IGFL2: variants seen among roughly 807,000 people sequenced by gnomAD.
The protein encoded by IGFL2 is insulin growth factor-like family member 2.
In IGFL2, 7 loss-of-function variants were observed where a neutral mutation model predicts 13.9. That is an observed-to-expected ratio of 0.51 (90% CI 0.29 to 0.95). The LOEUF (loss-of-function observed/expected upper bound fraction) is 0.95. IGFL2 is among the 40% of genes least tolerant of loss of function. The pLI, the probability that IGFL2 is intolerant of heterozygous loss-of-function variation, is 0.08. For synonymous variants in IGFL2, 55 were observed against 55.8 expected, an observed-to-expected ratio of 0.99 and a Z score of 0.07; for missense variants, 138 against 147.8, an observed-to-expected ratio of 0.93 and a Z score of 0.34.
the IGFL2 span, among the ~76,000 whole-genome samples, chr19:46,083,687 CAG>C: frequency 6.6e-6 from 1 of 152,020 alleles, no homozygotes; most frequent in Non-Finnish European, 1.5e-5. Context: ...GAGACAGTGA[CAG>C]AGAGGACAGA....
the IGFL2 span, among the ~76,000 whole-genome samples, chr19:46,116,578 T>G: frequency 6.6e-6 from 1 of 152,244 alleles, no homozygotes; most frequent in South Asian, 2.1e-4. Context: ...GGTTTCACTC[T>G]GTTGCACAGG....
the IGFL2 span, among the ~76,000 whole-genome samples, chr19:46,098,429 A>G: frequency 1.3e-5 from 2 of 150,582 alleles, no homozygotes. Context: ...AATCTTGAAT[A>G]CAGCACACCA....
At chr19:46,132,881 A>G in the IGFL2 span, among the ~76,000 whole-genome samples, 8 of 152,188 alleles carry the variant, frequency 5.3e-5, no homozygotes, top group South Asian at 2.1e-4. Flanking sequence ...CAGGTAGTCA[A>G]CGATTTCAAC....
chr19:46,144,641 A>G (rs1424269546), upstream of IGFL2, among the ~76,000 whole-genome samples: 1 of 152,224 alleles, frequency 6.6e-6, no homozygotes, highest in African/African-American at 2.4e-5. Context: ...ATAAGTGAAT[A>G]CAAAGGTCAG....
the IGFL2 span, among the ~76,000 whole-genome samples, chr19:46,186,074 A>G: frequency 6.6e-6 from 1 of 152,158 alleles, no homozygotes; most frequent in African/African-American, 2.4e-5. Flanking sequence ...TGTTCCAGCC[A>G]GGAAGTCTCG....
At chr19:46,185,267 C>T in the IGFL2 span, among the ~76,000 whole-genome samples, 1 of 152,182 alleles carries the variant, frequency 6.6e-6, no homozygotes, top group Non-Finnish European at 1.5e-5. Flanking sequence ...CTCTCTTCTT[C>T]TCTGGGCAGC....
intron 1 of IGFL2, among the ~76,000 whole-genome samples, chr19:46,150,697 G>T (rs1049789040): frequency 3.9e-5 from 6 of 151,920 alleles, no homozygotes; most frequent in African/African-American, 1.5e-4. Context: ...AAGAGGCAGG[G>T]TCTCACTCTG....
At chr19:46,112,582 C>T in the IGFL2 span, among the ~76,000 whole-genome samples, 1 of 152,210 alleles carries the variant, frequency 6.6e-6, no homozygotes, top group Non-Finnish European at 1.5e-5. Context: ...TAGATGAACA[C>T]AAGCTGGGAC....
chr19:46,160,785 A>G lies in IGFL2; in HGVS notation c.245A>G (p.Asp82Gly). ...CCCTGCTTTGAGCTCTGCTGTCTTG[A>G]TTCCTTTGGCCTCACAAACGATTTT... ...FWPCFELCCL[D>G]SFGLTNDFVV... Residue 82 changes from aspartate (D) to glycine (G), a missense_variant, in exon 3 of 4, where the codon GAT (aspartate) becomes GGT (glycine). By Grantham distance (94) the Asp-to-Gly change is moderately conservative. Transcript: ENST00000377693. 6.2e-7 allele frequency: 1 copy of G among 1,614,090 alleles called. No homozygotes were observed. The highest frequency in any genetic ancestry group is 8.5e-7 in the Non-Finnish European group (1 of 1,179,992).
In IGFL2 at chr19:46,148,841, G is replaced by A. The variant is rs887587096; in HGVS notation, c.19+544G>A. 4 of 1,493,972 alleles carry A rather than the reference G, an allele frequency of 2.7e-6. No homozygotes were observed. In the Admixed American group the frequency reaches 6.4e-5, roughly 24 times the overall value. 92.5% of individuals were successfully genotyped at this position (1,493,972 alleles called of 1,614,324 possible). ...CTCTTCCAGATATTGGACTGTGGTT[G>A]TGCCAGTTGACACTCAGGAGTGGAG... is the stretch of plus-strand genomic sequence containing the variant. On this transcript the variant is annotated intron_variant, in intron 1 of 3. Transcript: ENST00000377693.
chr19:46,155,801 G>T (rs968485399), intron 1 of IGFL2, among the ~76,000 whole-genome samples: 13 of 152,148 alleles, frequency 8.5e-5, no homozygotes, highest in African/African-American at 2.9e-4. Flanking sequence ...TTGTCTGTGT[G>T]TGGATCTGTA....
At chr19:46,203,346 CAG>C in the IGFL2 span, 1 of 152,894 alleles carries the variant, frequency 6.5e-6, no homozygotes, top group Non-Finnish European at 1.5e-5. Flanking sequence ...GTGCAGGTCA[CAG>C]GGGTTATGAT....
chr19:46,194,819 G>C, the IGFL2 span, among the ~76,000 whole-genome samples: 3 of 125,748 alleles, frequency 2.4e-5, no homozygotes, highest in Non-Finnish European at 4.9e-5. Context: ...CAAGACCCAG[G>C]CTTCCTCATT....
the IGFL2 span, among the ~76,000 whole-genome samples, chr19:46,135,033 G>T: frequency 6.6e-6 from 1 of 152,122 alleles, no homozygotes; most frequent in East Asian, 1.9e-4. Flanking sequence ...TCACTATCTT[G>T]ATAATATCTG....
chr19:46,125,359 T>C, the IGFL2 span, among the ~76,000 whole-genome samples: 3 of 152,222 alleles, frequency 2.0e-5, no homozygotes, highest in Admixed American at 1.3e-4. Context: ...AATCATATTA[T>C]ATTAGTGGCC....
At chr19:46,124,622 T>C in the IGFL2 span, 1 of 1,608,278 alleles carries the variant, frequency 6.2e-7, no homozygotes, top group Non-Finnish European at 8.5e-7. Flanking sequence ...GGGTCCTACT[T>C]GCCCAAGATG....
At chr19:46,129,307 TTGTGTGTGTGTGTGTGTG>T in the IGFL2 span, among the ~76,000 whole-genome samples, 60 of 137,062 alleles carry the variant, frequency 4.4e-4, no homozygotes, top group African/African-American at 1.4e-3. Flanking sequence ...TGTTGATCTT[TTGTGTGTGTGTGTGTGTG>T]TGTGTGTGTG....
chr19:46,177,004 T>C, the IGFL2 span, among the ~76,000 whole-genome samples: 1 of 152,200 alleles, frequency 6.6e-6, no homozygotes, highest in Non-Finnish European at 1.5e-5. Context: ...TATCACTTTA[T>C]GTGGTTCCAG....
the IGFL2 span, among the ~76,000 whole-genome samples, chr19:46,206,540 A>G: frequency 2.0e-5 from 3 of 152,202 alleles, no homozygotes; most frequent in Admixed American, 1.3e-4. Flanking sequence ...TTTTTAAGAA[A>G]GATGGAGGCG....
Sources: gnomAD v4.1 joint callset for allele counts (sites outside exome capture counted in the v4.1 genomes callset) on GRCh38, gnomAD v4.1.1 for gene constraint, MANE v1.5 for transcripts, NCBI Gene and HGNC (gene_info 2026-07-23, HGNC 2026-07-21) for gene names.